TCERG1: variants seen among roughly 807,000 people sequenced by gnomAD.
The protein encoded by TCERG1 is TATA box binding protein (TBP)-associated factor, RNA polymerase II, S, 150kD.
In TCERG1, 37 loss-of-function variants were observed where a neutral mutation model predicts 144.7. The observed-to-expected ratio is 0.26, with a 90% CI of 0.20 to 0.34. The LOEUF (loss-of-function observed/expected upper bound fraction) is 0.34, where lower values mean the gene tolerates loss of function less well. TCERG1 is among the 10% of genes least tolerant of loss of function. TCERG1 has a pLI of 1.00. For missense variants in TCERG1, 1,027 were observed against 1,380.7 expected, an observed-to-expected ratio of 0.74 and a Z score of 4.06; for synonymous variants, 492 against 458.2, an observed-to-expected ratio of 1.07 and a Z score of -0.94.
intron 15 of TCERG1, among the ~76,000 whole-genome samples, chr5:146,484,415 C>G (rs1765639462): frequency 6.6e-6 from 1 of 152,118 alleles, no homozygotes; most frequent in African/African-American, 2.4e-5. Flanking sequence ...GAACCACTTG[C>G]TATAGTGCTG....
At chr5:146,494,293 G>A (rs1766682132) in intron 16 of TCERG1, among the ~76,000 whole-genome samples, 1 of 152,084 alleles carries the variant, frequency 6.6e-6, no homozygotes, top group African/African-American at 2.4e-5. Context: ...TTTACTCTCA[G>A]GAGTTGCATG....
At chr5:146,456,809 T>C (rs1426010156) in intron 2 of TCERG1, among the ~76,000 whole-genome samples, 3 of 152,218 alleles carry the variant, frequency 2.0e-5, no homozygotes, top group Admixed American at 6.5e-5. Context: ...AGTGAAAACT[T>C]TTTCTTGAAG....
chr5:146,463,014 A>G (rs1032643512), intron 4 of TCERG1, among the ~76,000 whole-genome samples: 9 of 152,044 alleles, frequency 5.9e-5, no homozygotes, highest in Non-Finnish European at 1.3e-4. Flanking sequence ...TTTCCTATCC[A>G]TTTAAGGGCA....
At chr5:146,472,701 T>TTGTGTGTGTGTGTGTGTGTGTGTG (rs59508893) in intron 9 of TCERG1, among the ~76,000 whole-genome samples, 2,013 of 145,928 alleles carry the variant, frequency 0.014, 41 homozygotes, top group East Asian at 0.063. Context: ...ACCTCTCACT[T>TTGTGTGTGTGTGTGTGTGTGTGTG]TGTGTGTGTG....
At chr5:146,473,163 T>G (rs1394993588) in intron 9 of TCERG1, among the ~76,000 whole-genome samples, 1 of 152,236 alleles carries the variant, frequency 6.6e-6, no homozygotes, top group Non-Finnish European at 1.5e-5. Flanking sequence ...GCTATTCATG[T>G]GAACATAAGA....
intron 17 of TCERG1, 112 bp downstream of exon 17, chr5:146,498,798 T>C (rs945017129): frequency 1.8e-6 from 2 of 1,117,842 alleles, no homozygotes; most frequent in African/African-American, 1.6e-5. Context: ...AGGACGTACA[T>C]GGACTGTTCT....
Position 146,463,642 on chromosome 5 carries a change from T to C in TCERG1, c.984T>C (p.Pro328=), listed in dbSNP as rs753303132. The C allele has an allele frequency of 6.2e-7, 1 of 1,614,204 alleles. No homozygotes were observed. The highest frequency in any genetic ancestry group is 2.2e-5 in the East Asian group (1 of 44,878). The change falls in exon 5 of 23, where the codon CCT becomes CCC. Residue 328 remains proline, a synonymous_variant. Transcript: ENST00000679501. The stretch of plus-strand genomic sequence containing the variant: ...CAACTCCTGCTCCTACAGCCACACC[T>C]GTGCAAACCGTTCCCCAGCCGCACC... ...SVSTPAPTAT[P]VQTVPQPHPQ...
At chr5:146,466,215 T>C (rs1202529496) in intron 5 of TCERG1, among the ~76,000 whole-genome samples, 1 of 152,184 alleles carries the variant, frequency 6.6e-6, no homozygotes, top group African/African-American at 2.4e-5. Flanking sequence ...ATGAGATTTG[T>C]GTCTCCTGGT....
At chr5:146,460,675 G>T (rs903104768) in intron 4 of TCERG1, among the ~76,000 whole-genome samples, 5 of 152,164 alleles carry the variant, frequency 3.3e-5, no homozygotes, top group African/African-American at 4.8e-5. Context: ...AACTGAAGCA[G>T]TCAAGTAAGG....
rs1763088698 is a variant in TCERG1 at position 146,459,048 on chromosome 5, ACAAGCTCAGGCCCAGGCT to A, written c.606_623del (p.Ala237_Gln242del). Reference sequence around the variant, plus strand: ...CCCAGGCGCAGGCTCAGGCCCAGGCACAAGCTCAGGCCCAGGCTCAGGCTCAGGCCCAGGCCCAGGCCC... The same window carrying A: ...CCCAGGCGCAGGCTCAGGCCCAGGCACAGGCTCAGGCCCAGGCCCAGGCCC... On this transcript the variant is annotated inframe_deletion, in exon 4 of 23. Transcript: ENST00000679501. 6.3e-7 allele frequency: 1 copy of A among 1,595,976 alleles called. No homozygotes were observed. The highest frequency in any genetic ancestry group is 8.6e-7 in the Non-Finnish European group (1 of 1,167,758).
intron 9 of TCERG1, among the ~76,000 whole-genome samples, chr5:146,475,614 G>T (rs899956235): frequency 2.0e-5 from 3 of 152,148 alleles, no homozygotes; most frequent in Non-Finnish European, 2.9e-5. Flanking sequence ...CATTTATGCT[G>T]AAGGTTGCAA....
chr5:146,449,122 C>G (rs188381083), intron 1 of TCERG1, among the ~76,000 whole-genome samples: 1 of 152,120 alleles, frequency 6.6e-6, no homozygotes, highest in Non-Finnish European at 1.5e-5. Context: ...TATGTGGCCT[C>G]TTTGATGGCA....
chr5:146,450,542 T>A (rs1358160668), intron 1 of TCERG1, among the ~76,000 whole-genome samples: 1 of 152,220 alleles, frequency 6.6e-6, no homozygotes, highest in Non-Finnish European at 1.5e-5. Flanking sequence ...GAAACAGTAA[T>A]GATAGCTAAT....
At chr5:146,502,556 AG>A (rs1331355425) in intron 17 of TCERG1, among the ~76,000 whole-genome samples, 1 of 152,196 alleles carries the variant, frequency 6.6e-6, no homozygotes, top group African/African-American at 2.4e-5. Context: ...AGGGGTTTTA[AG>A]TAGTTGTATA....
intron 9 of TCERG1, among the ~76,000 whole-genome samples, chr5:146,472,048 A>G (rs532226716): frequency 6.8e-4 from 104 of 152,320 alleles, no homozygotes; most frequent in Middle Eastern, 6.8e-3. Context: ...CTGAAGTTCA[A>G]TTACTACAAG....
At chr5:146,459,401 A>G in intron 4 of TCERG1, 64 bp downstream of exon 4, 1 of 1,553,462 alleles carries the variant, frequency 6.4e-7, no homozygotes. Context: ...AGGGGACTAC[A>G]TTTCATATTG....
intron 1 of TCERG1, among the ~76,000 whole-genome samples, chr5:146,452,517 T>C (rs1200986380): frequency 6.6e-6 from 1 of 152,234 alleles, no homozygotes. Context: ...ATCTATGTGC[T>C]AGGGATACAA....
intron 15 of TCERG1, among the ~76,000 whole-genome samples, chr5:146,488,545 A>T (rs1477822897): frequency 6.6e-6 from 1 of 152,178 alleles, no homozygotes; most frequent in African/African-American, 2.4e-5. Context: ...CTCAGTTAGG[A>T]TGACTTACAT....
At chr5:146,448,082 C>T (rs1762050495) in intron 1 of TCERG1, among the ~76,000 whole-genome samples, 1 of 152,190 alleles carries the variant, frequency 6.6e-6, no homozygotes, top group Non-Finnish European at 1.5e-5. Flanking sequence ...CACAACCACC[C>T]TTTGGAGTAG....
Sources: allele counts gnomAD v4.1 joint callset (sites outside exome capture counted in the v4.1 genomes callset), GRCh38; gene constraint gnomAD v4.1.1; transcripts MANE v1.5; gene names NCBI Gene and HGNC (gene_info 2026-07-23, HGNC 2026-07-21).